LRRC3B: variants seen among roughly 807,000 people sequenced by gnomAD.
LRRC3B encodes leucine rich repeat containing 3B.
In LRRC3B, 2 loss-of-function variants were observed where a neutral mutation model predicts 12.8. The ratio of observed to expected loss-of-function variants is 0.16; its 90% CI spans 0.06 to 0.49. The LOEUF (loss-of-function observed/expected upper bound fraction) is 0.49. LRRC3B is among the 20% of genes least tolerant of loss of function. The pLI, the probability that LRRC3B is intolerant of heterozygous loss-of-function variation, is 0.96. For synonymous variants in LRRC3B, 132 were observed against 122.0 expected (o/e 1.08, Z -0.54); for missense variants, 189 against 319.4 (o/e 0.59, Z 3.11).
At chr3:26,683,779 C>T (rs1375141023) in intron 1 of LRRC3B, among the ~76,000 whole-genome samples, 2 of 152,176 alleles carry the variant, frequency 1.3e-5, no homozygotes, top group Non-Finnish European at 2.9e-5. Flanking sequence ...TGTCTACCTC[C>T]CCTAACCTCA....
At chr3:26,679,385 C>A (rs1415619220) in intron 1 of LRRC3B, among the ~76,000 whole-genome samples, 1 of 152,244 alleles carries the variant, frequency 6.6e-6, no homozygotes, top group Non-Finnish European at 1.5e-5. Context: ...CCAAGCCGGT[C>A]TCTACCACTG....
chr3:26,671,778 C>G (rs548138068), intron 1 of LRRC3B, among the ~76,000 whole-genome samples: 3 of 152,086 alleles, frequency 2.0e-5, no homozygotes, highest in Non-Finnish European at 4.4e-5. Flanking sequence ...GAAGCATACT[C>G]AGGATTTGAA....
intron 1 of LRRC3B, among the ~76,000 whole-genome samples, chr3:26,702,500 A>G (rs1015605144): frequency 2.0e-5 from 3 of 152,118 alleles, no homozygotes; most frequent in Non-Finnish European, 4.4e-5. Flanking sequence ...TAAATCTCAT[A>G]TTTGTGGAAC....
intron 1 of LRRC3B, among the ~76,000 whole-genome samples, chr3:26,658,351 C>T (rs1699420958): frequency 1.3e-5 from 2 of 152,246 alleles, no homozygotes; most frequent in African/African-American, 4.8e-5. Flanking sequence ...AGCCACCACG[C>T]CCGGCCAAGT....
chr3:26,642,947 G>A (rs1444540975), intron 1 of LRRC3B, among the ~76,000 whole-genome samples: 1 of 150,842 alleles, frequency 6.6e-6, no homozygotes, highest in Non-Finnish European at 1.5e-5. Flanking sequence ...AACCCAGGAG[G>A]CAGAGGTTGC....
chr3:26,674,425 T>C (rs1699816270), intron 1 of LRRC3B, among the ~76,000 whole-genome samples: 1 of 152,232 alleles, frequency 6.6e-6, no homozygotes, highest in African/African-American at 2.4e-5. Flanking sequence ...ATATTGGTAT[T>C]ATGCAAATGA....
At chr3:26,668,043 T>C (rs1699644488) in intron 1 of LRRC3B, among the ~76,000 whole-genome samples, 1 of 152,194 alleles carries the variant, frequency 6.6e-6, no homozygotes, top group South Asian at 2.1e-4. Context: ...TTTGGACATA[T>C]AATTTTCAGA....
chr3:26,685,513 CTCTCTCTCTCTATATATA>C lies in LRRC3B; in HGVS notation c.-160-23998_-160-23981del, dbSNP rs1354444788. On this transcript the variant is annotated intron_variant, in intron 1 of 1. Transcript: ENST00000396641. ...TCTCTCTCTCTCTCTCTCTCTCTCT[CTCTCTCTCTCTATATATA>C]TATATATATATATATATATATATAT... Among the ~76,000 whole-genome samples the C allele has an allele frequency of 8.1e-3, 430 of 53,230 alleles. 1 individual carries two copies. The highest frequency in any genetic ancestry group is 0.026 in the African/African-American group (363 of 13,864). 34.9% of individuals were successfully genotyped at this position (53,230 alleles called of 152,430 possible).
chr3:26,648,013 A>C (rs759447497), intron 1 of LRRC3B, among the ~76,000 whole-genome samples: 1 of 152,126 alleles, frequency 6.6e-6, no homozygotes, highest in Non-Finnish European at 1.5e-5. Context: ...GTGACTCGAC[A>C]GTGCCTTGAT....
At chr3:26,690,845 A>ATAAT (rs1166581127) in intron 1 of LRRC3B, among the ~76,000 whole-genome samples, 1 of 151,952 alleles carries the variant, frequency 6.6e-6, no homozygotes, top group Non-Finnish European at 1.5e-5. Flanking sequence ...ATGTATTGGC[A>ATAAT]TAATTAGGTA....
chr3:26,655,326 A>T lies in LRRC3B; in HGVS notation c.-161+32089A>T, dbSNP rs187081519. On this transcript the variant is annotated intron_variant, in intron 1 of 1. Transcript: ENST00000396641. ...CTATCATTAAAGCCAATGATGAACT[A>T]AAAAGGAAATCTATTTCTCTCTTAC... 1.1e-4 allele frequency among the ~76,000 whole-genome samples: 16 copies of T among 152,308 alleles called. No homozygotes were observed. The East Asian group carries it at 3.1e-3, about 29-fold the overall frequency.
chr3:26,671,373 T>TATAGAGAGAGAGAGAGAGAGAGAGAG (rs1261897533), intron 1 of LRRC3B, among the ~76,000 whole-genome samples: 13 of 28,252 alleles, frequency 4.6e-4, no homozygotes, highest in African/African-American at 5.8e-4. Flanking sequence ...TATATATATA[T>TATAGAGAGAGAGAGAGAGAGAGAGAG]AGAGAGAGAG....
intron 1 of LRRC3B, among the ~76,000 whole-genome samples, chr3:26,706,508 C>T (rs1188311699): frequency 2.0e-5 from 3 of 152,182 alleles, no homozygotes; most frequent in African/African-American, 7.2e-5. Flanking sequence ...GAAAGCAAGG[C>T]GTGCTCTGTA....
intron 1 of LRRC3B, among the ~76,000 whole-genome samples, chr3:26,630,071 A>AG (rs1466934630): frequency 6.6e-6 from 1 of 152,098 alleles, no homozygotes; most frequent in Non-Finnish European, 1.5e-5. Context: ...CCAAAGGATA[A>AG]GGGGAAAAAA....
chr3:26,658,215 G>A (rs1300045312), intron 1 of LRRC3B, among the ~76,000 whole-genome samples: 4 of 151,928 alleles, frequency 2.6e-5, no homozygotes, highest in Non-Finnish European at 4.4e-5. Flanking sequence ...TAGCCACCAC[G>A]CCCAGCTAAT....
chr3:26,648,677 C>G (rs1422602425), intron 1 of LRRC3B, among the ~76,000 whole-genome samples: 2 of 152,110 alleles, frequency 1.3e-5, no homozygotes, highest in Non-Finnish European at 2.9e-5. Flanking sequence ...CTAAGAGGAC[C>G]CCTCACACAA....
chr3:26,694,207 A>G (rs1450285962), intron 1 of LRRC3B, among the ~76,000 whole-genome samples: 1 of 152,220 alleles, frequency 6.6e-6, no homozygotes, highest in Non-Finnish European at 1.5e-5. Flanking sequence ...GTGCATTTCA[A>G]TCTGAATGTA....
intron 1 of LRRC3B, among the ~76,000 whole-genome samples, chr3:26,668,771 T>C (rs1268925120): frequency 1.3e-5 from 2 of 152,224 alleles, no homozygotes; most frequent in Non-Finnish European, 2.9e-5. Flanking sequence ...TAGCCAGCAA[T>C]GAACAGTTAC....
intron 1 of LRRC3B, among the ~76,000 whole-genome samples, chr3:26,663,187 A>T (rs1699530480): frequency 6.6e-6 from 1 of 152,042 alleles, no homozygotes; most frequent in African/African-American, 2.4e-5. Context: ...TTTTAGCTTG[A>T]TTGAGTTCTG....
Sources: allele counts gnomAD v4.1 joint callset (sites outside exome capture counted in the v4.1 genomes callset), GRCh38; gene constraint gnomAD v4.1.1; transcripts MANE v1.5; gene names NCBI Gene and HGNC (gene_info 2026-07-23, HGNC 2026-07-21).